The following GNA12 variants were observed in gnomAD, a reference collection of about 807,000 sequenced individuals.
GNA12 encodes guanine nucleotide-binding protein subunit alpha-12.
In GNA12, 9 loss-of-function variants were observed where a neutral mutation model predicts 26.0. The ratio of observed to expected loss-of-function variants is 0.35; its 90% CI spans 0.21 to 0.60. The LOEUF (loss-of-function observed/expected upper bound fraction) is 0.60. GNA12 is among the 20% of genes least tolerant of loss of function. The pLI is 0.78. For missense variants in GNA12, 405 were observed against 525.8 expected (o/e 0.77, Z 2.25); for synonymous variants, 264 against 219.6 (o/e 1.20, Z -1.79).
rs1240313170 is a variant in GNA12 at position 2,844,204 on chromosome 7, C to A, written c.-43G>T. ...CCGCGCCCCGCCGGCGCCCGGGGGCCATGGACGCTCCCGCCGGCGAGGGCG... is the reference window on the plus strand; with the variant it reads ...CCGCGCCCCGCCGGCGCCCGGGGGCAATGGACGCTCCCGCCGGCGAGGGCG... On this transcript the variant is annotated 5_prime_UTR_variant, in exon 1 of 4. It removes an upstream start codon present in the reference 5' UTR. Transcript: ENST00000275364. 2 of 940,034 alleles carry A rather than the reference C, an allele frequency of 2.1e-6. No individual in the cohort carries two copies. Among genetic ancestry groups the A allele is most frequent in the South Asian group, 9.4e-5 (2 of 21,332 alleles). The allele number at this position is 940,034 out of a possible 1,614,324, so 58.2% of individuals were successfully genotyped here. A position where few individuals can be genotyped will look rare whatever the true frequency, so the allele number is the denominator to read the frequency against.
At chr7:2,780,343 T>C (rs1792196913) in intron 2 of GNA12, among the ~76,000 whole-genome samples, 1 of 152,148 alleles carries the variant, frequency 6.6e-6, no homozygotes, top group Non-Finnish European at 1.5e-5. Flanking sequence ...CAAATAATCT[T>C]TGCATATTGA....
At chr7:2,759,378 T>C (rs7792655) in intron 2 of GNA12, among the ~76,000 whole-genome samples, 2,685 of 152,284 alleles carry the variant, frequency 0.018, 75 homozygotes, top group African/African-American at 0.061. Flanking sequence ...GCCTCCCCCA[T>C]ATCACCTTCA....
At chr7:2,834,956 C>A (rs909771719) in intron 1 of GNA12, among the ~76,000 whole-genome samples, 8 of 152,164 alleles carry the variant, frequency 5.3e-5, no homozygotes. Flanking sequence ...CGTGACTATG[C>A]ATCGCGATGC....
intron 2 of GNA12, among the ~76,000 whole-genome samples, chr7:2,753,760 C>T (rs1791149740): frequency 6.6e-6 from 1 of 151,982 alleles, no homozygotes; most frequent in Non-Finnish European, 1.5e-5. Context: ...CTTTTAATTA[C>T]ATTTATTTTA....
At chr7:2,836,190 G>A (rs1416497192) in intron 1 of GNA12, among the ~76,000 whole-genome samples, 3 of 152,106 alleles carry the variant, frequency 2.0e-5, no homozygotes, top group African/African-American at 4.8e-5. Context: ...TGAAGTCCTC[G>A]CACTATCTAA....
At chr7:2,789,529 C>T (rs1330079810) in intron 2 of GNA12, among the ~76,000 whole-genome samples, 1 of 152,230 alleles carries the variant, frequency 6.6e-6, no homozygotes, top group Non-Finnish European at 1.5e-5. Context: ...TGGTGCCTCA[C>T]TACTCCCCAT....
At chr7:2,738,185 C>T (rs1389133235) in intron 2 of GNA12, among the ~76,000 whole-genome samples, 8 of 151,884 alleles carry the variant, frequency 5.3e-5, no homozygotes, top group South Asian at 2.1e-4. Context: ...GTTGGGAGGC[C>T]GAGGCAATCA....
At chr7:2,759,490 A>G (rs1490974510) in intron 2 of GNA12, among the ~76,000 whole-genome samples, 1 of 152,196 alleles carries the variant, frequency 6.6e-6, no homozygotes, top group Non-Finnish European at 1.5e-5. Context: ...GTAAGTTACT[A>G]CTGTTTAGGA....
chr7:2,786,054 G>A lies in GNA12; in HGVS notation c.525+8874C>T, dbSNP rs1394626193. Among the ~76,000 whole-genome samples the A allele has an allele frequency of 2.6e-5, 4 of 152,322 alleles. 1 individual carries two copies. The highest frequency in any genetic ancestry group is 4.1e-4 in the South Asian group (2 of 4,822). On this transcript the variant is annotated intron_variant, in intron 2 of 3. Transcript: ENST00000275364. ...TGCACTCCAGCCTGGGTGACACAGC[G>A]AGATTCCGTTTAAAAAGAAGGTACA... is the stretch of plus-strand genomic sequence containing the variant.
chr7:2,835,807 G>A, intron 1 of GNA12: 2 of 667,680 alleles, frequency 3.0e-6, no homozygotes, highest in Non-Finnish European at 2.8e-6. Context: ...TGCAGATGCT[G>A]ACTGCTTAAT....
chr7:2,838,234 G>A (rs989074939), intron 1 of GNA12, among the ~76,000 whole-genome samples: 6 of 149,038 alleles, frequency 4.0e-5, no homozygotes, highest in African/African-American at 1.5e-4. Flanking sequence ...TATGTATACT[G>A]TAAACCTAGG....
chr7:2,787,742 T>C (rs1454373722), intron 2 of GNA12, among the ~76,000 whole-genome samples: 1 of 152,184 alleles, frequency 6.6e-6, no homozygotes, highest in Non-Finnish European at 1.5e-5. Flanking sequence ...TAAGTGTCAT[T>C]TCGCCCCTAC....
chr7:2,818,030 G>T (rs1793255013), intron 1 of GNA12, among the ~76,000 whole-genome samples: 1 of 152,162 alleles, frequency 6.6e-6, no homozygotes, highest in East Asian at 1.9e-4. Flanking sequence ...TGCTCTTAAT[G>T]TTTCAAGTGG....
chr7:2,795,219 G>A, intron 1 of GNA12, 76 bp from the exon 2 acceptor site: 1 of 1,068,688 alleles, frequency 9.4e-7, no homozygotes, highest in Non-Finnish European at 1.4e-6. Context: ...CTCAAAATGG[G>A]CATCCATTGT....
rs148484332 is a variant in GNA12 at position 2,810,971 on chromosome 7, G to A, written c.310-15828C>T. On this transcript the variant is annotated intron_variant, in intron 1 of 3. Transcript: ENST00000275364. ...AACATGTGGAAGGAGGCCCTGGAGC[G>A]CTCTCATTCAACAGGGACACCCAGG... 1.1e-3 allele frequency among the ~76,000 whole-genome samples: 167 copies of A among 152,214 alleles called. 2 individuals carry two copies. The highest frequency in any genetic ancestry group is 3.6e-3 in the African/African-American group (151 of 41,528).
chr7:2,735,180 C>A (rs566314258), intron 2 of GNA12, among the ~76,000 whole-genome samples: 9 of 152,212 alleles, frequency 5.9e-5, no homozygotes, highest in Admixed American at 3.3e-4. Flanking sequence ...CTCTCCTGCC[C>A]TCCCCTGGGC....
chr7:2,812,184 T>C (rs1349946575), intron 1 of GNA12, among the ~76,000 whole-genome samples: 1 of 152,260 alleles, frequency 6.6e-6, no homozygotes, highest in Non-Finnish European at 1.5e-5. Context: ...ACTAATCTGT[T>C]TCAAGAAAGT....
intron 2 of GNA12, among the ~76,000 whole-genome samples, chr7:2,771,984 T>C (rs965618992): frequency 6.6e-6 from 1 of 152,190 alleles, no homozygotes; most frequent in Non-Finnish European, 1.5e-5. Context: ...GAGCATGTGG[T>C]GTCTCACCAC....
At chr7:2,742,482 T>G (rs546533550) in intron 2 of GNA12, among the ~76,000 whole-genome samples, 5 of 152,338 alleles carry the variant, frequency 3.3e-5, no homozygotes, top group African/African-American at 1.2e-4. Context: ...CCTGCTCCTG[T>G]TTATCTCATC....
Sources: gnomAD v4.1 joint callset for allele counts (sites outside exome capture counted in the v4.1 genomes callset) on GRCh38, gnomAD v4.1.1 for gene constraint, MANE v1.5 for transcripts, NCBI Gene and HGNC (gene_info 2026-07-23, HGNC 2026-07-21) for gene names.